The following ARB2A variants were observed in gnomAD, a reference collection of about 807,000 sequenced individuals.
ARB2A encodes ARB2 cotranscriptional regulator A, also known as cotranscriptional regulator ARB2A.
chr5:93,964,029 A>G, the ARB2A span, among the ~76,000 whole-genome samples: 1 of 152,080 alleles, frequency 6.6e-6, no homozygotes, highest in Admixed American at 6.6e-5. Flanking sequence ...GAATGTATAG[A>G]GGAAACAACA....
chr5:93,849,982 T>C, the ARB2A span, among the ~76,000 whole-genome samples: 1 of 152,208 alleles, frequency 6.6e-6, no homozygotes, highest in Non-Finnish European at 1.5e-5. Flanking sequence ...ATTAATTTAA[T>C]CCTCATGGTA....
At chr5:93,886,132 T>C in the ARB2A span, among the ~76,000 whole-genome samples, 11 of 151,742 alleles carry the variant, frequency 7.2e-5, no homozygotes, top group Admixed American at 7.3e-4. Flanking sequence ...TGAAGACTTA[T>C]CCACGTTAAT....
the ARB2A span, among the ~76,000 whole-genome samples, chr5:94,069,088 A>AGATAGATAGACT: frequency 7.4e-6 from 1 of 134,970 alleles, no homozygotes; most frequent in African/African-American, 2.6e-5. Flanking sequence ...ATAGATAGAT[A>AGATAGATAGACT]GACTAATGGA....
At chr5:94,087,230 C>T in the ARB2A span, among the ~76,000 whole-genome samples, 7 of 151,888 alleles carry the variant, frequency 4.6e-5, no homozygotes, top group African/African-American at 1.5e-4. Context: ...GTGTTTTAAG[C>T]TAAGTATTAT....
the ARB2A span, among the ~76,000 whole-genome samples, chr5:93,757,847 C>T: frequency 3.9e-5 from 6 of 151,940 alleles, no homozygotes; most frequent in African/African-American, 7.2e-5. Flanking sequence ...AAAAAACCAA[C>T]GTACACAAGC....
the ARB2A span, among the ~76,000 whole-genome samples, chr5:94,060,705 C>CA: frequency 6.6e-6 from 1 of 151,856 alleles, no homozygotes; most frequent in Non-Finnish European, 1.5e-5. Context: ...AAAGACAGTA[C>CA]AAAAAAAGAA....
chr5:93,650,512 G>C, the ARB2A span, among the ~76,000 whole-genome samples: 1 of 152,088 alleles, frequency 6.6e-6, no homozygotes, highest in African/African-American at 2.4e-5. Context: ...CAAAGCATAA[G>C]TGACCTGTGA....
chr5:93,787,850 C>A, the ARB2A span, among the ~76,000 whole-genome samples: 2 of 152,122 alleles, frequency 1.3e-5, no homozygotes, highest in African/African-American at 4.8e-5. Flanking sequence ...GGAGGAGAAA[C>A]TGACAATAGC....
At chr5:94,050,959 AT>A in the ARB2A span, 10 of 666,808 alleles carry the variant, frequency 1.5e-5, no homozygotes, top group Non-Finnish European at 2.4e-5. Flanking sequence ...TTTTCATTAG[AT>A]TTTTTTCTTC....
the ARB2A span, among the ~76,000 whole-genome samples, chr5:94,018,122 G>A: frequency 8.5e-5 from 13 of 152,126 alleles, no homozygotes; most frequent in Non-Finnish European, 1.9e-4. Flanking sequence ...CCCAGTCTCG[G>A]GTATGTCTTT....
the ARB2A span, among the ~76,000 whole-genome samples, chr5:93,641,016 A>G: frequency 3.9e-5 from 6 of 151,950 alleles, no homozygotes; most frequent in African/African-American, 7.3e-5. Flanking sequence ...CCTGATCAAC[A>G]TGGTGAAACC....
At chr5:93,736,379 T>C in the ARB2A span, 4 of 152,224 alleles carry the variant, frequency 2.6e-5, no homozygotes, top group African/African-American at 9.6e-5. Context: ...AAGTGCAGCA[T>C]TAATATTTAC....
the ARB2A span, among the ~76,000 whole-genome samples, chr5:93,945,902 C>G: frequency 6.6e-6 from 1 of 152,052 alleles, no homozygotes. Context: ...GAGAAGCTTA[C>G]ATAGAGTGGA....
the ARB2A span, among the ~76,000 whole-genome samples, chr5:93,617,827 T>C: frequency 6.6e-6 from 1 of 152,196 alleles, no homozygotes; most frequent in East Asian, 1.9e-4. Context: ...GGAGATATTT[T>C]AGATATTAAA....
chr5:93,894,429 G>T, the ARB2A span, among the ~76,000 whole-genome samples: 3 of 151,308 alleles, frequency 2.0e-5, no homozygotes, highest in African/African-American at 7.3e-5. Context: ...AGAGAGAATT[G>T]CCCAAACATT....
the ARB2A span, among the ~76,000 whole-genome samples, chr5:93,754,241 T>C: frequency 6.6e-6 from 1 of 152,230 alleles, no homozygotes; most frequent in Admixed American, 6.5e-5. Context: ...GCTCACATTC[T>C]AGTAGGAGAG....
the ARB2A span, among the ~76,000 whole-genome samples, chr5:94,038,788 C>T: frequency 6.7e-6 from 1 of 150,014 alleles, no homozygotes; most frequent in Admixed American, 6.6e-5. Flanking sequence ...AGACAAAACT[C>T]GATATTCAGT....
chr5:93,938,468 T>C, the ARB2A span, among the ~76,000 whole-genome samples: 4 of 152,230 alleles, frequency 2.6e-5, no homozygotes, highest in African/African-American at 9.6e-5. Context: ...AACCGACTCA[T>C]AGCTTTAAAC....
At chr5:94,073,267 T>C in the ARB2A span, among the ~76,000 whole-genome samples, 1 of 152,136 alleles carries the variant, frequency 6.6e-6, no homozygotes, top group Non-Finnish European at 1.5e-5. Context: ...ATTTCCAGTT[T>C]ACTCCTCCCT....
Sources: gnomAD v4.1 joint callset for allele counts (sites outside exome capture counted in the v4.1 genomes callset) on GRCh38, gnomAD v4.1.1 for gene constraint, MANE v1.5 for transcripts, NCBI Gene and HGNC (gene_info 2026-07-23, HGNC 2026-07-21) for gene names.